The following FAM184B variants were observed in gnomAD, a reference collection of about 807,000 sequenced individuals.
FAM184B encodes family with sequence similarity 184 member B.
FAM184B carries 111 observed loss-of-function variants against 135.9 expected under a neutral mutation model. The observed-to-expected ratio is 0.82, with a 90% CI of 0.70 to 0.96. The LOEUF (loss-of-function observed/expected upper bound fraction) is 0.96, where lower values mean the gene tolerates loss of function less well. Ranked by LOEUF, FAM184B falls within the 40% of genes least tolerant of loss-of-function variation. The probability of loss-of-function intolerance (pLI) is 0.00; values close to 1 mark genes in which losing one functional copy is unlikely to be tolerated. For missense variants in FAM184B, 1,375 were observed against 1,323.9 expected, an observed-to-expected ratio of 1.04 and a Z score of -0.60; for synonymous variants, 552 against 524.8, an observed-to-expected ratio of 1.05 and a Z score of -0.71.
intron 1 of FAM184B, among the ~76,000 whole-genome samples, chr4:17,748,792 C>T (rs1002884403): frequency 2.6e-5 from 4 of 151,982 alleles, no homozygotes; most frequent in South Asian, 4.1e-4. Flanking sequence ...GCTGGGATTA[C>T]AGACATGAGC....
chr4:17,778,804 A>G (rs2109000809), intron 1 of FAM184B, among the ~76,000 whole-genome samples: 1 of 152,314 alleles, frequency 6.6e-6, no homozygotes, highest in South Asian at 2.1e-4. Context: ...GGCTCCAGTC[A>G]GCCATGACTG....
chr4:17,685,868 G>A (rs1012470358), intron 7 of FAM184B, among the ~76,000 whole-genome samples: 7 of 152,204 alleles, frequency 4.6e-5, no homozygotes, highest in East Asian at 3.9e-4. Flanking sequence ...TGATAGCACC[G>A]GCTCATGGAC....
At chr4:17,748,104 A>G (rs1030259496) in intron 1 of FAM184B, among the ~76,000 whole-genome samples, 2 of 18,670 alleles carry the variant, frequency 1.1e-4, no homozygotes, top group South Asian at 2.1e-3. Context: ...ACTCCGTCTG[A>G]AAAAAAAAAA....
At chr4:17,766,129 G>T (rs1342927002) in intron 1 of FAM184B, among the ~76,000 whole-genome samples, 1 of 152,198 alleles carries the variant, frequency 6.6e-6, no homozygotes, top group South Asian at 2.1e-4. Flanking sequence ...AACCTAACCA[G>T]GTTGCCATTG....
At chr4:17,700,164 T>C (rs1383624282) in intron 5 of FAM184B, among the ~76,000 whole-genome samples, 1 of 151,962 alleles carries the variant, frequency 6.6e-6, no homozygotes, top group Non-Finnish European at 1.5e-5. Flanking sequence ...ATGTGACAAG[T>C]AGGAAAAACA....
At position 17,632,450 on chromosome 4, in the gene FAM184B, T is replaced by A; in HGVS notation, c.*82A>T. The A allele has an allele frequency of 8.6e-7, 1 of 1,163,632 alleles. No individual in the cohort carries two copies. Among genetic ancestry groups the A allele is most frequent in the Non-Finnish European group, 1.2e-6 (1 of 818,464 alleles). 72.1% of individuals were successfully genotyped at this position (1,163,632 alleles called of 1,614,324 possible). A position where few individuals can be genotyped will look rare whatever the true frequency, so the allele number is the denominator to read the frequency against. On this transcript the variant is annotated 3_prime_UTR_variant, in exon 18 of 18. Transcript: ENST00000265018. ...ATCATAAGCATATTATTTGGTTGGTTGGTGTTAGTTCATTCCTTCAATCGG... is the reference window on the plus strand; with the variant it reads ...ATCATAAGCATATTATTTGGTTGGTAGGTGTTAGTTCATTCCTTCAATCGG...
chr4:17,781,618 G>A lies in FAM184B; in HGVS notation c.-319C>T. The stretch of plus-strand genomic sequence containing the variant: ...CAGTTCCCCAGCCAGTGCAGGTTTC[G>A]TGTGCAAGGGGAGAGCTTCCGCGGC... On this transcript the variant is annotated 5_prime_UTR_variant, in exon 1 of 18. In the 5' UTR this introduces an upstream ATG that the reference lacks. Coordinates refer to ENST00000265018, the MANE Select transcript of FAM184B (RefSeq NM_015688.2). The surrounding 1 kb of genome is among the most constrained non-coding windows in gnomAD (Gnocchi z 6.5). The A allele has an allele frequency of 3.8e-6, 1 of 265,216 alleles. No homozygotes were observed. Among genetic ancestry groups the A allele is most frequent in the Non-Finnish European group, 7.1e-6 (1 of 141,288 alleles). The allele number at this position is 265,216 out of a possible 1,614,324, so 16.4% of individuals were successfully genotyped here.
At chr4:17,759,911 C>T (rs551893455) in intron 1 of FAM184B, among the ~76,000 whole-genome samples, 13 of 152,172 alleles carry the variant, frequency 8.5e-5, no homozygotes, top group African/African-American at 2.4e-4. Context: ...AGGTGGGTAC[C>T]GGTTTCAATA....
chr4:17,734,491 A>AT (rs1189647345), intron 1 of FAM184B, among the ~76,000 whole-genome samples: 1 of 152,164 alleles, frequency 6.6e-6, no homozygotes, highest in Non-Finnish European at 1.5e-5. Flanking sequence ...ACAAGAAAAA[A>AT]CAAACAACCC....
intron 1 of FAM184B, among the ~76,000 whole-genome samples, chr4:17,718,763 C>T (rs1165773523): frequency 6.6e-6 from 1 of 152,238 alleles, no homozygotes; most frequent in Non-Finnish European, 1.5e-5. Context: ...GGCTGGACCC[C>T]ACCCCAGAGT....
chr4:17,640,528 A>G (rs2108929687), intron 13 of FAM184B, among the ~76,000 whole-genome samples: 1 of 152,010 alleles, frequency 6.6e-6, no homozygotes, highest in East Asian at 2.0e-4. Flanking sequence ...TCAAGGCTCA[A>G]AGCAATTTTG....
At chr4:17,753,187 A>G (rs1408179910) in intron 1 of FAM184B, among the ~76,000 whole-genome samples, 4 of 151,936 alleles carry the variant, frequency 2.6e-5, no homozygotes, top group Admixed American at 2.6e-4. Flanking sequence ...ATTACCTCAC[A>G]CCCATCAGAA....
At chr4:17,768,440 A>C (rs1718744400) in intron 1 of FAM184B, among the ~76,000 whole-genome samples, 1 of 152,154 alleles carries the variant, frequency 6.6e-6, no homozygotes, top group African/African-American at 2.4e-5. Context: ...ACGCCCAGCT[A>C]ATTTTTGTAT....
At chr4:17,682,051 T>C (rs1716454090) in intron 7 of FAM184B, among the ~76,000 whole-genome samples, 1 of 152,156 alleles carries the variant, frequency 6.6e-6, no homozygotes, top group African/African-American at 2.4e-5. Flanking sequence ...CCCTATGGCT[T>C]GTATAGTGAT....
At position 17,636,516 on chromosome 4, in the gene FAM184B, T is replaced by G. The variant is rs1313056311; in HGVS notation, c.2784+12A>C. The stretch of plus-strand genomic sequence containing the variant: ...CCAGGTGCGTGGGTGAGGCGCCCCC[T>G]GACAGCCTCACCGTGAGCTGCTTGA... On this transcript the variant is annotated intron_variant, in intron 15 of 17. Coordinates refer to ENST00000265018, the MANE Select transcript of FAM184B (RefSeq NM_015688.2). 9 of 1,545,038 alleles carry G rather than the reference T, an allele frequency of 5.8e-6. No individual in the cohort carries two copies. The highest frequency in any genetic ancestry group is 7.9e-6 in the Non-Finnish European group (9 of 1,142,602).
intron 5 of FAM184B, among the ~76,000 whole-genome samples, chr4:17,699,202 ATCCAAACTGAAAC>A: frequency 4.1e-5 from 1 of 24,100 alleles, no homozygotes; most frequent in Non-Finnish European, 9.2e-5. Flanking sequence ...AAGAGAAATT[ATCCAAACTGAAAC>A]AGAGAGACAA....
At chr4:17,720,883 T>TAAAAAAAAAAAAAAA (rs59409749) in intron 1 of FAM184B, among the ~76,000 whole-genome samples, 1 of 100,328 alleles carries the variant, frequency 1.0e-5, no homozygotes, top group African/African-American at 3.8e-5. Flanking sequence ...AGACTTCATC[T>TAAAAAAAAAAAAAAA]AAAAAAAAAA....
chr4:17,717,498 G>T (rs1717421971), intron 1 of FAM184B, among the ~76,000 whole-genome samples: 1 of 152,030 alleles, frequency 6.6e-6, no homozygotes, highest in South Asian at 2.1e-4. Flanking sequence ...ACTGCTCCAG[G>T]CCTCATTTAT....
chr4:17,637,481 A>G (rs970927795), intron 14 of FAM184B, among the ~76,000 whole-genome samples: 3 of 151,974 alleles, frequency 2.0e-5, no homozygotes, highest in Non-Finnish European at 4.4e-5. Flanking sequence ...TTTTTTCTAG[A>G]TATGTGACCT....
Sources: allele counts gnomAD v4.1 joint callset (sites outside exome capture counted in the v4.1 genomes callset), GRCh38; gene constraint gnomAD v4.1.1; non-coding constraint Gnocchi (gnomAD v3.1); transcripts MANE v1.5; gene names NCBI Gene and HGNC (gene_info 2026-07-23, HGNC 2026-07-21).